The following NRG1 variants were observed in gnomAD, a reference collection of about 807,000 sequenced individuals.
NRG1 encodes the protein neuregulin 1.
NRG1 carries 18 observed loss-of-function variants against 63.8 expected under a neutral mutation model. That is an observed-to-expected ratio of 0.28 (90% CI 0.19 to 0.42). NRG1 has a LOEUF of 0.42. NRG1 is among the 10% of genes least tolerant of loss of function. The probability of loss-of-function intolerance (pLI) is 1.00; values close to 1 mark genes in which losing one functional copy is unlikely to be tolerated. For synonymous variants in NRG1, 302 were observed against 301.3 expected, an observed-to-expected ratio of 1.00 and a Z score of -0.02; for missense variants, 762 against 814.7, an observed-to-expected ratio of 0.94 and a Z score of 0.79.
At chr8:32,506,239 CTT>C (rs1465684266) in intron 1 of NRG1, among the ~76,000 whole-genome samples, 2 of 152,040 alleles carry the variant, frequency 1.3e-5, no homozygotes, top group Non-Finnish European at 2.9e-5. Flanking sequence ...GACCTTGTCT[CTT>C]TAAAAAAGAA....
At chr8:32,294,225 G>T (rs548302124) in intron 1 of NRG1, among the ~76,000 whole-genome samples, 1 of 151,976 alleles carries the variant, frequency 6.6e-6, no homozygotes, top group African/African-American at 2.4e-5. Context: ...CATGGAGCAG[G>T]TGTCCGAAAC....
chr8:31,830,423 T>C (rs1825028190), intron 1 of NRG1, among the ~76,000 whole-genome samples: 1 of 150,852 alleles, frequency 6.6e-6, no homozygotes. Context: ...ACCTATTTGA[T>C]TTTTTGAAAA....
intron 1 of NRG1, among the ~76,000 whole-genome samples, chr8:32,133,707 C>T (rs1384478696): frequency 1.3e-5 from 2 of 152,050 alleles, no homozygotes; most frequent in Non-Finnish European, 2.9e-5. Flanking sequence ...ATATCATCTC[C>T]TGTTGGTTTG....
chr8:32,025,100 A>C (rs1469748422), intron 1 of NRG1, among the ~76,000 whole-genome samples: 1 of 152,192 alleles, frequency 6.6e-6, no homozygotes, highest in East Asian at 1.9e-4. Context: ...AGATCAAGGG[A>C]GCATCTTACT....
At chr8:32,053,679 C>T (rs1411966497) in intron 1 of NRG1, among the ~76,000 whole-genome samples, 2 of 152,112 alleles carry the variant, frequency 1.3e-5, no homozygotes, top group African/African-American at 4.8e-5. Context: ...TTGCAAAGGG[C>T]TTTTTACTGC....
intron 1 of NRG1, among the ~76,000 whole-genome samples, chr8:32,263,009 A>C: frequency 6.6e-6 from 1 of 152,144 alleles, no homozygotes; most frequent in East Asian, 1.9e-4. Flanking sequence ...GCTACTTGTT[A>C]ATGGGTCCTC....
intron 1 of NRG1, among the ~76,000 whole-genome samples, chr8:32,429,769 C>T (rs558445807): frequency 6.6e-6 from 1 of 152,260 alleles, no homozygotes; most frequent in East Asian, 1.9e-4. Context: ...ATATGGTTTA[C>T]CATCCATCCA....
chr8:32,451,468 G>T (rs1587725764), intron 1 of NRG1, among the ~76,000 whole-genome samples: 1 of 152,276 alleles, frequency 6.6e-6, no homozygotes, highest in East Asian at 1.9e-4. Context: ...TTTTTCCCCG[G>T]GGAGGGGGAT....
chr8:32,732,025 C>G (rs923094067), intron 6 of NRG1, among the ~76,000 whole-genome samples: 1 of 152,198 alleles, frequency 6.6e-6, no homozygotes, highest in South Asian at 2.1e-4. Context: ...TCTTTTGTCT[C>G]TCTGCTTAGA....
At chr8:32,011,433 G>T (rs1814745986) in intron 1 of NRG1, among the ~76,000 whole-genome samples, 1 of 152,164 alleles carries the variant, frequency 6.6e-6, no homozygotes, top group East Asian at 1.9e-4. Context: ...AGCCCATTTT[G>T]TAAGGTTAGG....
At chr8:31,917,784 A>C (rs1833533564) in intron 1 of NRG1, among the ~76,000 whole-genome samples, 1 of 152,070 alleles carries the variant, frequency 6.6e-6, no homozygotes, top group Non-Finnish European at 1.5e-5. Flanking sequence ...TGAATCTATA[A>C]ATTACCTTGG....
intron 1 of NRG1, among the ~76,000 whole-genome samples, chr8:31,809,442 T>C (rs1822636391): frequency 6.7e-6 from 1 of 148,596 alleles, no homozygotes; most frequent in African/African-American, 2.5e-5. Context: ...TAGACAAACG[T>C]TAGGATTTCT....
chr8:32,279,349 T>C (rs982292773), intron 1 of NRG1, among the ~76,000 whole-genome samples: 5 of 152,258 alleles, frequency 3.3e-5, no homozygotes, highest in Non-Finnish European at 5.9e-5. Context: ...CAAAAAGTTG[T>C]TTTTTTGTTT....
rs144100191 is a variant in NRG1, at chr8:32,375,267, C to G, written c.38-220561C>G. Among the ~76,000 whole-genome samples the G allele has an allele frequency of 7.2e-5, 11 of 152,130 alleles. No individual in the cohort carries two copies. In the East Asian group the frequency reaches 2.1e-3, roughly 29 times the overall value. On this transcript the variant is annotated intron_variant, in intron 1 of 10. Coordinates refer to the NRG1 transcript ENST00000519301. ...TGCTGGGATTACAGGTGCGAGCCAC[C>G]GTGCCCAGCCTCATCAGCATTTTTA...
chr8:32,065,447 TGTG>T (rs1193556201), intron 1 of NRG1, among the ~76,000 whole-genome samples: 1 of 152,100 alleles, frequency 6.6e-6, no homozygotes, highest in Non-Finnish European at 1.5e-5. Context: ...AGTGAGAACA[TGTG>T]GTGTTTGGTT....
At chr8:31,652,080 C>A (rs1313021308) in intron 1 of NRG1, among the ~76,000 whole-genome samples, 3 of 152,184 alleles carry the variant, frequency 2.0e-5, no homozygotes, top group Non-Finnish European at 2.9e-5. Context: ...TTCCCAGTGA[C>A]TTCCTTGGTC....
At chr8:32,024,847 C>T (rs1274870798) in intron 1 of NRG1, among the ~76,000 whole-genome samples, 4 of 152,154 alleles carry the variant, frequency 2.6e-5, no homozygotes, top group Non-Finnish European at 5.9e-5. Flanking sequence ...AAATAAAGAA[C>T]AGTAAGCAAA....
At chr8:31,893,583 C>A (rs1831321494) in intron 1 of NRG1, among the ~76,000 whole-genome samples, 1 of 151,114 alleles carries the variant, frequency 6.6e-6, no homozygotes, top group South Asian at 2.1e-4. Flanking sequence ...ATAAAAAAAT[C>A]ATAAGAGAAA....
chr8:32,527,490 A>G (rs965294453), intron 1 of NRG1, among the ~76,000 whole-genome samples: 4 of 151,884 alleles, frequency 2.6e-5, no homozygotes, highest in Admixed American at 2.0e-4. Flanking sequence ...AATTGGAATA[A>G]TAGACATTGG....
Sources: allele counts gnomAD v4.1 joint callset (sites outside exome capture counted in the v4.1 genomes callset), GRCh38; gene constraint gnomAD v4.1.1; transcripts MANE v1.5; gene names NCBI Gene and HGNC (gene_info 2026-07-23, HGNC 2026-07-21).